ARSB: variants seen among roughly 807,000 people sequenced by gnomAD.
ARSB encodes N-acetylgalactosamine-4-sulfatase.
Under a neutral mutation model 50.9 loss-of-function variants are expected in ARSB, and 41 were observed. The ratio of observed to expected loss-of-function variants is 0.81; its 90% CI spans 0.63 to 1.04. The LOEUF (loss-of-function observed/expected upper bound fraction) is 1.04, where lower values mean the gene tolerates loss of function less well. Among genes scored for constraint, ARSB ranks in the 50% least tolerant of loss-of-function variants. The probability of loss-of-function intolerance (pLI) is 0.00; values close to 1 mark genes in which losing one functional copy is unlikely to be tolerated. For missense variants in ARSB, 672 were observed against 693.3 expected, an observed-to-expected ratio of 0.97 and a Z score of 0.35; for synonymous variants, 269 against 284.8, an observed-to-expected ratio of 0.94 and a Z score of 0.56.
chr5:78,869,907 A>G (rs2112144284), intron 5 of ARSB, among the ~76,000 whole-genome samples: 1 of 151,854 alleles, frequency 6.6e-6, no homozygotes, highest in African/African-American at 2.4e-5. Flanking sequence ...CAAAATTGAT[A>G]GACCGCTAGC....
intron 5 of ARSB, among the ~76,000 whole-genome samples, chr5:78,857,870 T>A (rs1581051317): frequency 1.3e-5 from 2 of 152,352 alleles, no homozygotes; most frequent in African/African-American, 4.8e-5. Flanking sequence ...TGGGGTTTCA[T>A]TTGTTTTGGC....
At chr5:78,847,105 T>G (rs1422343156) in intron 5 of ARSB, among the ~76,000 whole-genome samples, 2 of 152,170 alleles carry the variant, frequency 1.3e-5, no homozygotes, top group Non-Finnish European at 2.9e-5. Flanking sequence ...AAATCCCACT[T>G]GATAATGGTG....
chr5:78,896,986 G>A (rs1043626937), intron 4 of ARSB, among the ~76,000 whole-genome samples: 70 of 152,056 alleles, frequency 4.6e-4, no homozygotes, highest in African/African-American at 1.6e-3. Flanking sequence ...ATAGCAAAGT[G>A]GTTAGATGAG....
chr5:78,915,253 T>A lies in ARSB; in HGVS notation c.899-29426A>T, dbSNP rs1046848561. ...CAAGAACTACTGCTGCCACCTCTAA[T>A]CAATTAAAATTGACACAATTTCTAG... On this transcript the variant is annotated intron_variant, in intron 4 of 7. Coordinates refer to ENST00000264914, the MANE Select transcript of ARSB (RefSeq NM_000046.5). 2.0e-5 allele frequency among the ~76,000 whole-genome samples: 3 copies of A among 152,132 alleles called. No homozygotes were observed. The South Asian group carries it at 6.2e-4, about 32-fold the overall frequency.
At chr5:78,781,780 G>C in intron 7 of ARSB, 72 bp downstream of exon 7, 1 of 1,590,586 alleles carries the variant, frequency 6.3e-7, no homozygotes, top group Non-Finnish European at 8.6e-7. Context: ...ATAGACTGGA[G>C]ATACTGCCCT....
intron 5 of ARSB, among the ~76,000 whole-genome samples, chr5:78,874,821 C>T (rs906394762): frequency 9.2e-5 from 14 of 152,096 alleles, no homozygotes; most frequent in African/African-American, 1.9e-4. Context: ...AAATTTAAAA[C>T]AATTAGCCCA....
chr5:78,941,303 C>G (rs1470708286), intron 4 of ARSB, among the ~76,000 whole-genome samples: 2 of 150,736 alleles, frequency 1.3e-5, no homozygotes. Context: ...TTGCCCTGGC[C>G]AGAACTTCCA....
In ARSB at chr5:78,901,600, AAAAC is replaced by A. The variant is rs532487618; in HGVS notation, c.899-15777_899-15774del. Among the ~76,000 whole-genome samples the A allele has an allele frequency of 5.6e-3, 859 of 152,260 alleles. 12 individuals are homozygous for A. The highest frequency in any genetic ancestry group is 0.02 in the African/African-American group (825 of 41,554). On this transcript the variant is annotated intron_variant, in intron 4 of 7. Transcript: ENST00000264914. Reference sequence around the variant, plus strand: ...GAGTATTCTGATATCTACGTTAAAAAAAACAAACAAAACCTTGACAAACCCTACT... The same window carrying A: ...GAGTATTCTGATATCTACGTTAAAAAAAACAAAACCTTGACAAACCCTACT...
At chr5:78,960,370 G>GA (rs3839269) in intron 3 of ARSB, among the ~76,000 whole-genome samples, 13 of 150,444 alleles carry the variant, frequency 8.6e-5, no homozygotes, top group East Asian at 5.8e-4. Context: ...AAGTATAAAT[G>GA]AAAAAAAAAG....
At chr5:78,795,256 T>A (rs1363948923) in intron 6 of ARSB, among the ~76,000 whole-genome samples, 1 of 152,166 alleles carries the variant, frequency 6.6e-6, no homozygotes. Flanking sequence ...ATGTCCACCT[T>A]GGTTCATCTT....
intron 4 of ARSB, among the ~76,000 whole-genome samples, chr5:78,889,435 T>C (rs1056176928): frequency 6.6e-6 from 1 of 152,100 alleles, no homozygotes; most frequent in African/African-American, 2.4e-5. Context: ...GACTGACATA[T>C]GAAAAAAATT....
chr5:78,862,445 C>A (rs1396067988), intron 5 of ARSB, among the ~76,000 whole-genome samples: 2 of 152,118 alleles, frequency 1.3e-5, no homozygotes, highest in Non-Finnish European at 2.9e-5. Context: ...GAACAGAGCC[C>A]TCAGAAATAC....
chr5:78,817,023 A>G (rs1253112336), intron 6 of ARSB: 1 of 941,554 alleles, frequency 1.1e-6, no homozygotes, highest in East Asian at 1.2e-4. Context: ...TAAGCTGCTA[A>G]ATTTGTGGTA....
At chr5:78,901,996 A>G (rs193188681) in intron 4 of ARSB, among the ~76,000 whole-genome samples, 2 of 152,392 alleles carry the variant, frequency 1.3e-5, no homozygotes, top group Admixed American at 1.3e-4. Context: ...CTGTAACAGA[A>G]TACCATAGGC....
chr5:78,907,713 G>A (rs781237083), intron 4 of ARSB, among the ~76,000 whole-genome samples: 2 of 152,182 alleles, frequency 1.3e-5, no homozygotes, highest in African/African-American at 2.4e-5. Context: ...GGGAGGCCAC[G>A]GGTAGAGCGG....
chr5:78,875,680 T>A (rs936372722), intron 5 of ARSB, among the ~76,000 whole-genome samples: 17 of 151,976 alleles, frequency 1.1e-4, no homozygotes, highest in Admixed American at 5.2e-4. Context: ...TATTATTTTT[T>A]TTTTTGAGAC....
At chr5:78,870,773 C>T (rs1490276758) in intron 5 of ARSB, among the ~76,000 whole-genome samples, 2 of 150,804 alleles carry the variant, frequency 1.3e-5, no homozygotes, top group Non-Finnish European at 3.0e-5. Flanking sequence ...GATGCCCTCT[C>T]TCACCACTCC....
chr5:78,802,141 C>G (rs1161967586), intron 6 of ARSB, among the ~76,000 whole-genome samples: 1 of 151,932 alleles, frequency 6.6e-6, no homozygotes, highest in East Asian at 1.9e-4. Context: ...ACCTGGAGCA[C>G]TTTCTACAAC....
At chr5:78,814,942 A>T (rs182756435) in intron 6 of ARSB, among the ~76,000 whole-genome samples, 3 of 150,732 alleles carry the variant, frequency 2.0e-5, no homozygotes, top group Admixed American at 2.0e-4. Context: ...GGACTAAGAG[A>T]GTGCTATGAA....
Sources: allele counts gnomAD v4.1 joint callset (sites outside exome capture counted in the v4.1 genomes callset), GRCh38; gene constraint gnomAD v4.1.1; transcripts MANE v1.5; gene names NCBI Gene and HGNC (gene_info 2026-07-23, HGNC 2026-07-21).